Variants in FARS2 observed in about 807,000 individuals in gnomAD.
The protein encoded by FARS2 is phenylalanyl-tRNA synthetase 2, mitochondrial.
FARS2 carries 40 observed loss-of-function variants against 46.4 expected under a neutral mutation model. The ratio of observed to expected loss-of-function variants is 0.86; its 90% CI spans 0.67 to 1.12. The LOEUF (loss-of-function observed/expected upper bound fraction) is 1.12. Among genes scored for constraint, FARS2 ranks in the 50% most tolerant of loss-of-function variants. FARS2 has a pLI of 0.00. For missense variants in FARS2, 513 were observed against 567.9 expected (o/e 0.90, Z 0.98); for synonymous variants, 234 against 214.9 (o/e 1.09, Z -0.78).
chr6:5,351,896 G>A (rs1272359279), intron 1 of FARS2, among the ~76,000 whole-genome samples: 3 of 152,132 alleles, frequency 2.0e-5, no homozygotes, highest in African/African-American at 4.8e-5. Flanking sequence ...ACTGTTTCTT[G>A]TTCTGCCGTA....
intron 2 of FARS2, among the ~76,000 whole-genome samples, chr6:5,389,893 G>A (rs1760386918): frequency 6.6e-6 from 1 of 152,052 alleles, no homozygotes; most frequent in African/African-American, 2.4e-5. Context: ...GAGAGAGGGT[G>A]TCTCTCTGTC....
rs532892075 is a variant in FARS2 at position 5,446,688 on chromosome 6, C to T, written c.904+15516C>T. Among the ~76,000 whole-genome samples the T allele has an allele frequency of 5.3e-5, 8 of 152,156 alleles. No individual in the cohort carries two copies. In the South Asian group the frequency reaches 8.3e-4, roughly 16 times the overall value. On this transcript the variant is annotated intron_variant, in intron 4 of 6. Coordinates refer to ENST00000274680, the MANE Select transcript of FARS2 (RefSeq NM_006567.5). ...ACAGATGAAGTCTGAGTAGTTTAGA[C>T]GACAGGGGCTGAGGGAAGAGGAGGT...
chr6:5,668,470 A>T (rs1036563174), intron 6 of FARS2, among the ~76,000 whole-genome samples: 2 of 152,214 alleles, frequency 1.3e-5, no homozygotes, highest in East Asian at 3.9e-4. Context: ...AGCCAGAGAA[A>T]CCAGAGGGAA....
At chr6:5,421,065 C>A (rs1329230384) in intron 3 of FARS2, among the ~76,000 whole-genome samples, 1 of 152,210 alleles carries the variant, frequency 6.6e-6, no homozygotes, top group Non-Finnish European at 1.5e-5. Context: ...GAGAACTCCA[C>A]CCCTACAGCA....
At chr6:5,649,510 G>A (rs1035673729) in intron 6 of FARS2, among the ~76,000 whole-genome samples, 9 of 152,186 alleles carry the variant, frequency 5.9e-5, no homozygotes, top group African/African-American at 2.2e-4. Flanking sequence ...GCAGGCTGCT[G>A]GGGGCTTCAT....
intron 1 of FARS2, among the ~76,000 whole-genome samples, chr6:5,324,474 A>T: frequency 7.7e-6 from 1 of 130,332 alleles, no homozygotes; most frequent in African/African-American, 3.0e-5. Context: ...TTTAACCAAG[A>T]CGTTGGTTAC....
At chr6:5,724,484 G>T (rs1477658904) in intron 6 of FARS2, among the ~76,000 whole-genome samples, 1 of 152,238 alleles carries the variant, frequency 6.6e-6, no homozygotes, top group Non-Finnish European at 1.5e-5. Context: ...TGAGTCCCCA[G>T]GGTGGCCCAC....
chr6:5,654,575 G>C (rs1171144762), intron 6 of FARS2, among the ~76,000 whole-genome samples: 1 of 152,084 alleles, frequency 6.6e-6, no homozygotes, highest in Non-Finnish European at 1.5e-5. Context: ...AAGACTCGAA[G>C]ACCTGCTACT....
intron 4 of FARS2, among the ~76,000 whole-genome samples, chr6:5,523,547 C>A (rs1274711119): frequency 6.6e-6 from 1 of 151,880 alleles, no homozygotes; most frequent in East Asian, 1.9e-4. Flanking sequence ...CGCTCAGGGT[C>A]TCTGTATTCA....
intron 6 of FARS2, among the ~76,000 whole-genome samples, chr6:5,767,054 T>G (rs1340727664): frequency 6.6e-6 from 1 of 151,680 alleles, no homozygotes; most frequent in Non-Finnish European, 1.5e-5. Context: ...TGTTAATCCA[T>G]CCAAAAAAAA....
intron 1 of FARS2, among the ~76,000 whole-genome samples, chr6:5,368,128 C>T (rs1426971661): frequency 6.6e-6 from 1 of 152,114 alleles, no homozygotes; most frequent in Non-Finnish European, 1.5e-5. Context: ...TAATCATTTG[C>T]TTCCTTTATT....
At chr6:5,372,927 A>G (rs540806766) in intron 2 of FARS2, among the ~76,000 whole-genome samples, 5 of 152,310 alleles carry the variant, frequency 3.3e-5, no homozygotes, top group African/African-American at 4.8e-5. Flanking sequence ...TTACAAAAAA[A>G]GTGGAAGGGA....
In FARS2 at chr6:5,367,662, G is replaced by T. The variant is rs59668620; in HGVS notation, c.-21-888G>T. Among the ~76,000 whole-genome samples the T allele has an allele frequency of 4.4e-3, 669 of 151,558 alleles. 7 individuals carry two copies. The highest frequency in any genetic ancestry group is 0.015 in the African/African-American group (634 of 41,304). ...GCATTTTATTTACTTAAAAATCTAG[G>T]TCAGTGCTCTGCCTTCTGGCTGCTC... On this transcript the variant is annotated intron_variant, in intron 1 of 6. Coordinates refer to ENST00000274680, the MANE Select transcript of FARS2 (RefSeq NM_006567.5).
intron 4 of FARS2, among the ~76,000 whole-genome samples, chr6:5,433,998 T>A (rs367599156): frequency 9.2e-5 from 14 of 152,328 alleles, no homozygotes; most frequent in African/African-American, 2.9e-4. Flanking sequence ...TATTCTTGAA[T>A]GGAATGGCAA....
At chr6:5,267,867 G>A (rs576412772) in intron 1 of FARS2, among the ~76,000 whole-genome samples, 16 of 151,862 alleles carry the variant, frequency 1.1e-4, no homozygotes, top group African/African-American at 3.9e-4. Context: ...AGCACCTTTT[G>A]TTTCCTGACT....
In FARS2 at chr6:5,548,102, C is replaced by A. The variant is rs75889031; in HGVS notation, c.1065+2762C>A. On this transcript the variant is annotated intron_variant, in intron 5 of 6. Transcript: ENST00000274680. ...GATGAAGAAGCAAAATCAGAAACCC[C>A]TGATAAACCCATCAGATCTTGTGAG... Among the ~76,000 whole-genome samples, 840 of 152,294 alleles carry A rather than the reference C, an allele frequency of 5.5e-3. 8 individuals carry two copies. Among genetic ancestry groups the A allele is most frequent in the African/African-American group, 0.019 (782 of 41,570 alleles).
intron 5 of FARS2, among the ~76,000 whole-genome samples, chr6:5,575,015 G>A (rs1772876008): frequency 1.3e-5 from 2 of 152,094 alleles, no homozygotes; most frequent in Admixed American, 1.3e-4. Context: ...TTGTTCAAGG[G>A]TGAGCTGTGT....
intron 5 of FARS2, among the ~76,000 whole-genome samples, chr6:5,560,490 C>T (rs1381196546): frequency 6.6e-6 from 1 of 151,834 alleles, no homozygotes. Context: ...GGATTTCTGA[C>T]TTTGTGTTCA....
intron 1 of FARS2, among the ~76,000 whole-genome samples, chr6:5,334,861 A>G (rs1198174264): frequency 1.3e-5 from 2 of 152,212 alleles, no homozygotes; most frequent in Non-Finnish European, 2.9e-5. Context: ...TAAAAATATT[A>G]TTCTGTCAAA....
Sources: gnomAD v4.1 joint callset for allele counts (sites outside exome capture counted in the v4.1 genomes callset) on GRCh38, gnomAD v4.1.1 for gene constraint, MANE v1.5 for transcripts, NCBI Gene and HGNC (gene_info 2026-07-23, HGNC 2026-07-21) for gene names.